SUCLG2: variants seen among roughly 807,000 people sequenced by gnomAD.
The protein encoded by SUCLG2 is succinate-CoA ligase GDP-forming subunit beta.
Under a neutral mutation model 47.9 loss-of-function variants are expected in SUCLG2, and 42 were observed. The ratio of observed to expected loss-of-function variants is 0.88; its 90% CI spans 0.69 to 1.14. The LOEUF is 1.14. SUCLG2 is among the 50% of genes most tolerant of loss of function. The pLI, the probability that SUCLG2 is intolerant of heterozygous loss-of-function variation, is 0.00. For missense variants in SUCLG2, 571 were observed against 525.9 expected, an observed-to-expected ratio of 1.09 and a Z score of -0.84; for synonymous variants, 195 against 197.3, an observed-to-expected ratio of 0.99 and a Z score of 0.10.
intron 9 of SUCLG2, among the ~76,000 whole-genome samples, chr3:67,432,711 T>C (rs762900395): frequency 2.0e-5 from 3 of 152,218 alleles, no homozygotes; most frequent in Non-Finnish European, 4.4e-5. Context: ...TGTTACCATA[T>C]GCCATCCCAT....
At chr3:67,516,850 A>C (rs1235355738) in intron 6 of SUCLG2, among the ~76,000 whole-genome samples, 1 of 152,216 alleles carries the variant, frequency 6.6e-6, no homozygotes, top group Admixed American at 6.5e-5. Context: ...GCTAGACCAC[A>C]GTGGCTGTAT....
intron 2 of SUCLG2, among the ~76,000 whole-genome samples, chr3:67,582,365 T>C (rs1281733882): frequency 1.3e-5 from 2 of 152,168 alleles, no homozygotes; most frequent in Admixed American, 6.5e-5. Flanking sequence ...GAACATGCAG[T>C]ATTTGGTTTT....
chr3:67,443,978 C>T (rs1450416186), intron 9 of SUCLG2, among the ~76,000 whole-genome samples: 10 of 118,260 alleles, frequency 8.5e-5, no homozygotes, highest in Admixed American at 1.7e-4. Flanking sequence ...GTCAGCCCCC[C>T]GCCCGGCCAG....
intron 2 of SUCLG2, among the ~76,000 whole-genome samples, chr3:67,587,789 C>T (rs1708062874): frequency 6.6e-6 from 1 of 152,150 alleles, no homozygotes; most frequent in Admixed American, 6.5e-5. Context: ...TGGCATCATT[C>T]ATTGACAAAT....
intron 9 of SUCLG2, among the ~76,000 whole-genome samples, chr3:67,493,956 C>T (rs59381019): frequency 6.6e-6 from 1 of 152,180 alleles, no homozygotes; most frequent in African/African-American, 2.4e-5. Flanking sequence ...TGCCTTTGAA[C>T]TTCAATAACT....
chr3:67,372,036 G>A (rs1367180876), downstream of SUCLG2, among the ~76,000 whole-genome samples: 1 of 152,130 alleles, frequency 6.6e-6, no homozygotes, highest in Non-Finnish European at 1.5e-5. Context: ...TAATACTCAG[G>A]AGATTTAGAC....
chr3:67,372,395 AC>A (rs1448833308), downstream of SUCLG2, among the ~76,000 whole-genome samples: 5 of 80,800 alleles, frequency 6.2e-5, no homozygotes, highest in African/African-American at 2.2e-4. Flanking sequence ...CACTGCAGTC[AC>A]TTTTTTTTTT....
chr3:67,624,134 G>A (rs1193348965), intron 1 of SUCLG2, among the ~76,000 whole-genome samples: 2 of 152,220 alleles, frequency 1.3e-5, no homozygotes, highest in Admixed American at 6.5e-5. Flanking sequence ...ATACATTTGA[G>A]TTTAATGGGA....
intron 4 of SUCLG2, among the ~76,000 whole-genome samples, chr3:67,526,052 G>A (rs1284434098): frequency 6.6e-6 from 1 of 152,130 alleles, no homozygotes. Context: ...TCACAGTTCT[G>A]GAGGCTGGGA....
intron 9 of SUCLG2, among the ~76,000 whole-genome samples, chr3:67,431,027 A>G (rs1381212769): frequency 1.3e-5 from 2 of 152,200 alleles, no homozygotes; most frequent in African/African-American, 2.4e-5. Flanking sequence ...AGAGGTACAA[A>G]AAGGAGCTGG....
chr3:67,499,735 T>C (rs1026123762), intron 7 of SUCLG2, among the ~76,000 whole-genome samples: 1 of 152,002 alleles, frequency 6.6e-6, no homozygotes, highest in Non-Finnish European at 1.5e-5. Context: ...TTTATTTATT[T>C]ATTTATTTAT....
intron 1 of SUCLG2, among the ~76,000 whole-genome samples, chr3:67,652,474 T>A (rs558042865): frequency 6.6e-6 from 1 of 152,126 alleles, no homozygotes; most frequent in Admixed American, 6.5e-5. Flanking sequence ...CAAGGGACTA[T>A]GGAAACGTAA....
chr3:67,391,834 C>T lies in SUCLG2; in HGVS notation c.1183+8897G>A, dbSNP rs542753007. 3.3e-5 allele frequency among the ~76,000 whole-genome samples: 5 copies of T among 152,206 alleles called. No individual in the cohort carries two copies. In the South Asian group the frequency reaches 8.3e-4, roughly 25 times the overall value. On this transcript the variant is annotated intron_variant, in intron 10 of 10. Coordinates refer to ENST00000307227, the MANE Select transcript of SUCLG2 (RefSeq NM_003848.4). Reference sequence around the variant, plus strand: ...CTTTTCTGGATTTAGGCATTCTCTCCGCTGCTCGTTTCCAACGTGTGTTCT... The same window carrying T: ...CTTTTCTGGATTTAGGCATTCTCTCTGCTGCTCGTTTCCAACGTGTGTTCT...
At chr3:67,384,552 G>C (rs1332082952) in intron 10 of SUCLG2, among the ~76,000 whole-genome samples, 1 of 152,158 alleles carries the variant, frequency 6.6e-6, no homozygotes. Flanking sequence ...GTAGACCTTT[G>C]CTCTATACAA....
At chr3:67,491,589 T>C (rs1022769919) in intron 9 of SUCLG2, among the ~76,000 whole-genome samples, 3 of 152,164 alleles carry the variant, frequency 2.0e-5, no homozygotes, top group South Asian at 2.1e-4. Flanking sequence ...GCTCTTGAAA[T>C]CCCGACCTTC....
chr3:67,625,031 C>A (rs987111413), intron 1 of SUCLG2, among the ~76,000 whole-genome samples: 12 of 152,168 alleles, frequency 7.9e-5, no homozygotes, highest in African/African-American at 2.9e-4. Context: ...ATCAGAGGAG[C>A]CGAAGAACCT....
In SUCLG2 at chr3:67,412,335, C is replaced by T. The variant is rs192788734; in HGVS notation, c.1063-11484G>A. 3.0e-3 allele frequency among the ~76,000 whole-genome samples: 454 copies of T among 152,224 alleles called. 1 individual carries two copies. The highest frequency in any genetic ancestry group is 0.01 in the African/African-American group (430 of 41,528). ...CTTTCATGGACCTAGTAGAGTTCTCCAGCTATTAGACTCCTTTTGCAAAAG... is the reference window on the plus strand; with the variant it reads ...CTTTCATGGACCTAGTAGAGTTCTCTAGCTATTAGACTCCTTTTGCAAAAG... On this transcript the variant is annotated intron_variant, in intron 9 of 10. Transcript: ENST00000307227.
At chr3:67,391,109 A>T (rs2106789418) in intron 10 of SUCLG2, among the ~76,000 whole-genome samples, 1 of 152,326 alleles carries the variant, frequency 6.6e-6, no homozygotes, top group Admixed American at 6.5e-5. Context: ...CAACATAAAC[A>T]TTTTGTTTTT....
chr3:67,471,821 C>G (rs985163282), intron 9 of SUCLG2, among the ~76,000 whole-genome samples: 9 of 152,136 alleles, frequency 5.9e-5, no homozygotes, highest in African/African-American at 2.2e-4. Context: ...ACTAAATATG[C>G]TTTCATGGAG....
Sources: gnomAD v4.1 joint callset for allele counts (sites outside exome capture counted in the v4.1 genomes callset) on GRCh38, gnomAD v4.1.1 for gene constraint, MANE v1.5 for transcripts, NCBI Gene and HGNC (gene_info 2026-07-23, HGNC 2026-07-21) for gene names.